LRCH3: variants seen among roughly 807,000 people sequenced by gnomAD.
LRCH3 encodes the protein DISP complex protein LRCH3.
Under a neutral mutation model 104.5 loss-of-function variants are expected in LRCH3, and 68 were observed. The ratio of observed to expected loss-of-function variants is 0.65; its 90% confidence interval spans 0.54 to 0.80. LRCH3 has a LOEUF of 0.80. LRCH3 is among the 30% of genes least tolerant of loss of function. The pLI is 0.00. For missense variants in LRCH3, 951 were observed against 953.9 expected (o/e 1.00, Z 0.04); for synonymous variants, 344 against 361.3 (o/e 0.95, Z 0.54).
chr3:197,863,716 T>C (rs1175411337), intron 15 of LRCH3, among the ~76,000 whole-genome samples: 1 of 152,222 alleles, frequency 6.6e-6, no homozygotes, highest in East Asian at 1.9e-4. Flanking sequence ...TACAGTTCTT[T>C]TGGTCAATGA....
rs1207628128 is a variant in LRCH3, at chr3:197,792,663, T to A, written c.262+1123T>A. Among the ~76,000 whole-genome samples the A allele has an allele frequency of 8.6e-4, 109 of 127,072 alleles. 1 individual carries two copies. The highest frequency in any genetic ancestry group is 1.5e-3 in the Non-Finnish European group (91 of 61,564). The allele number at this position is 127,072 out of a possible 152,430, so 83.4% of individuals were successfully genotyped here. ...TATTATATATAAAATATATATATAT[T>A]TTTTCGAGACGGTATCTCGCTCTTG... is the stretch of plus-strand genomic sequence containing the variant. On this transcript the variant is annotated intron_variant, in intron 1 of 20. Transcript: ENST00000425562.
At chr3:197,871,240 T>C in intron 18 of LRCH3, 85 bp from the exon 19 acceptor site, 2 of 1,089,880 alleles carry the variant, frequency 1.8e-6, no homozygotes, top group Non-Finnish European at 2.7e-6. Flanking sequence ...ATCTTGATTT[T>C]TAATTAGATT....
intron 12 of LRCH3, among the ~76,000 whole-genome samples, chr3:197,848,927 C>T (rs772937749): frequency 2.4e-4 from 37 of 152,180 alleles, no homozygotes; most frequent in Admixed American, 1.2e-3. Context: ...CCTGATTCCT[C>T]TTCATCCAAC....
chr3:197,817,266 A>C lies in LRCH3; in HGVS notation c.498A>C (p.Pro166=). The change falls in exon 3 of 21, where the codon CCA becomes CCC. Residue 166 remains proline, a synonymous_variant. Coordinates refer to ENST00000425562, the MANE Select transcript of LRCH3 (RefSeq NM_001365715.1). ...IASNNKLVSL[P]EEIGHLRHLM... Reference sequence around the variant, plus strand: ...GTAATAACAAATTGGTGTCACTTCCAGAAGAAATTGGACACCTTAGACATT... The same window carrying C: ...GTAATAACAAATTGGTGTCACTTCCCGAAGAAATTGGACACCTTAGACATT... 6.2e-7 allele frequency: 1 copy of C among 1,611,176 alleles called. No individual in the cohort carries two copies. Among genetic ancestry groups the C allele is most frequent in the Non-Finnish European group, 8.5e-7 (1 of 1,178,778 alleles).
rs369108548 is a variant in LRCH3, at chr3:197,811,198, T to G, written c.263-3710T>G. The stretch of plus-strand genomic sequence containing the variant: ...GGACGCACCATGAACAGTATCATTG[T>G]GATATGTTACATAGCTATCAAATAA... On this transcript the variant is annotated intron_variant, in intron 1 of 20. Transcript: ENST00000425562. Among the ~76,000 whole-genome samples the G allele has an allele frequency of 1.6e-4, 24 of 152,308 alleles. No individual in the cohort carries two copies. In the East Asian group the frequency reaches 4.2e-3, roughly 27 times the overall value.
At chr3:197,817,346 C>CGTGTATTT in intron 3 of LRCH3, 44 bp downstream of exon 3, 1 of 258,928 alleles carries the variant, frequency 3.9e-6, no homozygotes. Context: ...GTGTGTGTGT[C>CGTGTATTT]TGTGTGTGTG....
rs1011072552 is a variant in LRCH3 at position 197,859,007 on chromosome 3, C to T, written c.1716+102C>T. ...GATCTAACAATCTGAAATATAGGATCGCATAAATATACCTGTTTATGGAAC... is the reference window on the plus strand; with the variant it reads ...GATCTAACAATCTGAAATATAGGATTGCATAAATATACCTGTTTATGGAAC... On this transcript the variant is annotated intron_variant, in intron 15 of 20. Coordinates refer to ENST00000425562, the MANE Select transcript of LRCH3 (RefSeq NM_001365715.1). 34 of 853,080 alleles carry T rather than the reference C, an allele frequency of 4.0e-5. No individual in the cohort carries two copies. The African/African-American group carries it at 4.8e-4, about 12-fold the overall frequency. The allele number at this position is 853,080 out of a possible 1,614,324, so 52.8% of individuals were successfully genotyped here. A position where few individuals can be genotyped will look rare whatever the true frequency, so the allele number is the denominator to read the frequency against.
chr3:197,817,110 G>T, intron 2 of LRCH3, 66 bp from the exon 3 acceptor site: 1 of 1,469,316 alleles, frequency 6.8e-7, no homozygotes, highest in Non-Finnish European at 9.2e-7. Flanking sequence ...TATAGCGTGA[G>T]AAAGAGAGAA....
chr3:197,833,228 T>G (rs1483559045), intron 8 of LRCH3, among the ~76,000 whole-genome samples: 1 of 152,084 alleles, frequency 6.6e-6, no homozygotes, highest in Non-Finnish European at 1.5e-5. Flanking sequence ...ATTTGAAATG[T>G]GTTTTTTTAG....
chr3:197,840,356 C>A lies in LRCH3; in HGVS notation c.1328+959C>A, dbSNP rs116717356. ...GTGGCACATGCCTGTAGTCTCCAGGCTGAGGCAGGATAATCGCTTGAACCC... is the reference window on the plus strand; with the variant it reads ...GTGGCACATGCCTGTAGTCTCCAGGATGAGGCAGGATAATCGCTTGAACCC... On this transcript the variant is annotated intron_variant, in intron 10 of 20. Transcript: ENST00000425562. Among the ~76,000 whole-genome samples the A allele has an allele frequency of 1.7e-3, 263 of 152,318 alleles. 2 individuals carry two copies. Among genetic ancestry groups the A allele is most frequent in the African/African-American group, 5.9e-3 (246 of 41,566 alleles).
chr3:197,880,145 C>T (rs1713583375), intron 20 of LRCH3, among the ~76,000 whole-genome samples: 1 of 151,314 alleles, frequency 6.6e-6, no homozygotes, highest in Non-Finnish European at 1.5e-5. Flanking sequence ...CGGGGTTTCA[C>T]CGTGTTAGCC....
chr3:197,847,323 A>T, intron 10 of LRCH3, 86 bp from the exon 11 acceptor site: 1 of 1,247,224 alleles, frequency 8.0e-7, no homozygotes, highest in Non-Finnish European at 1.1e-6. Context: ...AGCTACATTT[A>T]CAATAAAAAT....
rs182562323 is a variant in LRCH3, at chr3:197,805,043, T to C, written c.263-9865T>C. ...CTGAGTAGCTGAGATTACAGGTGCGTGCCACCACACCTGGCTAATTTTGTA... is the reference window on the plus strand; with the variant it reads ...CTGAGTAGCTGAGATTACAGGTGCGCGCCACCACACCTGGCTAATTTTGTA... On this transcript the variant is annotated intron_variant, in intron 1 of 20. Transcript: ENST00000425562. Among the ~76,000 whole-genome samples the C allele has an allele frequency of 2.6e-3, 396 of 152,220 alleles. 1 individual carries two copies. The highest frequency in any genetic ancestry group is 9.1e-3 in the African/African-American group (378 of 41,530).
intron 4 of LRCH3, among the ~76,000 whole-genome samples, chr3:197,826,146 T>C (rs1433891527): frequency 6.6e-6 from 1 of 152,234 alleles, no homozygotes; most frequent in Non-Finnish European, 1.5e-5. Context: ...GGGCAGAAAT[T>C]GTATAATGGT....
At chr3:197,846,913 T>C (rs1265111856) in intron 10 of LRCH3, among the ~76,000 whole-genome samples, 1 of 151,928 alleles carries the variant, frequency 6.6e-6, no homozygotes, top group African/African-American at 2.4e-5. Context: ...GCTTTGTATT[T>C]TTCTTAAAAA....
rs549300973 is a variant in LRCH3 at position 197,839,345 on chromosome 3, A to G, written c.1276A>G (p.Ile426Val). ...GGGTTCACCAGTAAAGCCAGTAGCC[A>G]TTAGGGAGTTTCAAAAAACAGAAGA... Reference protein sequence around the residue: ...HEGSPVKPVAIREFQKTEDMR... With the variant: ...HEGSPVKPVAVREFQKTEDMR... The change falls in exon 10 of 21, where the codon ATT becomes GTT. Residue 426 changes from isoleucine (I) to valine (V), a missense_variant. Physicochemically the swap from Ile to Val is conservative, Grantham distance 29 (BLOSUM62 3). Coordinates refer to ENST00000425562, the MANE Select transcript of LRCH3 (RefSeq NM_001365715.1). 81 of 1,595,882 alleles carry G rather than the reference A, an allele frequency of 5.1e-5. No homozygotes were observed. In the South Asian group the frequency reaches 9.1e-4, roughly 18 times the overall value.
chr3:197,865,507 A>G, intron 16 of LRCH3, 36 bp downstream of exon 16: 4 of 1,291,284 alleles, frequency 3.1e-6, no homozygotes, highest in Non-Finnish European at 4.2e-6. Context: ...CCACATCAAG[A>G]TTATAATTCT....
chr3:197,836,505 T>G (rs939558606), intron 9 of LRCH3, among the ~76,000 whole-genome samples: 1 of 152,210 alleles, frequency 6.6e-6, no homozygotes, highest in Non-Finnish European at 1.5e-5. Flanking sequence ...TGTCTGGAGC[T>G]GGTTTCAGGC....
intron 1 of LRCH3, among the ~76,000 whole-genome samples, chr3:197,795,331 G>T (rs1245266051): frequency 6.6e-6 from 1 of 152,148 alleles, no homozygotes; most frequent in African/African-American, 2.4e-5. Context: ...CTGGCATAGG[G>T]TATGCCAGTG....
Sources: gnomAD v4.1 joint callset for allele counts (sites outside exome capture counted in the v4.1 genomes callset) on GRCh38, gnomAD v4.1.1 for gene constraint, MANE v1.5 for transcripts, NCBI Gene and HGNC (gene_info 2026-07-23, HGNC 2026-07-21) for gene names.